The following RNF111 variants were observed in gnomAD, a reference collection of about 807,000 sequenced individuals.
The protein encoded by RNF111 is ring finger protein 111.
RNF111 carries 17 observed loss-of-function variants against 95.1 expected under a neutral mutation model. The ratio of observed to expected loss-of-function variants is 0.18; its 90% CI spans 0.12 to 0.27. RNF111 has a LOEUF of 0.27. Ranked by LOEUF, RNF111 falls within the 10% of genes least tolerant of loss-of-function variation. RNF111 has a pLI of 1.00. For synonymous variants in RNF111, 440 were observed against 414.8 expected (o/e 1.06, Z -0.74); for missense variants, 1,189 against 1,210.4 (o/e 0.98, Z 0.26).
chr15:59,003,266 C>T (rs2039403418), intron 1 of RNF111, among the ~76,000 whole-genome samples: 1 of 152,132 alleles, frequency 6.6e-6, no homozygotes, highest in South Asian at 2.1e-4. Context: ...GCATGTACCA[C>T]CACACCCAGC....
chr15:59,072,755 C>T (rs2042993746), intron 6 of RNF111, among the ~76,000 whole-genome samples: 1 of 151,828 alleles, frequency 6.6e-6, no homozygotes, highest in South Asian at 2.1e-4. Flanking sequence ...CCCGGCCTGT[C>T]ATTTCCATCT....
At chr15:59,029,643 C>A (rs2040808511) in intron 1 of RNF111, among the ~76,000 whole-genome samples, 1 of 152,192 alleles carries the variant, frequency 6.6e-6, no homozygotes, top group South Asian at 2.1e-4. Context: ...GCTTACTAAA[C>A]AGCTGTTGTA....
intron 1 of RNF111, among the ~76,000 whole-genome samples, chr15:59,016,941 G>A (rs975651938): frequency 6.6e-6 from 1 of 151,818 alleles, no homozygotes; most frequent in African/African-American, 2.4e-5. Flanking sequence ...TAGGTTGCTT[G>A]CTCCTTACGA....
At chr15:59,033,684 A>T (rs545023784) in intron 2 of RNF111, among the ~76,000 whole-genome samples, 3 of 152,226 alleles carry the variant, frequency 2.0e-5, no homozygotes, top group African/African-American at 7.2e-5. Flanking sequence ...GAATGTCATT[A>T]TCAGTGCCAG....
intron 3 of RNF111, 133 bp downstream of exon 3, chr15:59,052,564 A>G (rs2042033635): frequency 2.7e-6 from 1 of 369,088 alleles, no homozygotes; most frequent in Non-Finnish European, 4.5e-6. Context: ...ATATCAGATT[A>G]GTGGATTTTT....
Position 59,084,247 on chromosome 15 carries a change from T to C in RNF111, c.2416T>C (p.Ser806Pro). 3 of 1,581,412 alleles carry C rather than the reference T, an allele frequency of 1.9e-6. No individual in the cohort carries two copies. Among genetic ancestry groups the C allele is most frequent in the Non-Finnish European group, 2.6e-6 (3 of 1,164,854 alleles). The change falls in exon 9 of 14, where the codon TCT becomes CCT. Residue 806 changes from serine to proline, a missense_variant. Around this residue, in one of 2 missense-constraint regions of RNF111, gnomAD observed 165 missense variants for 284.6 expected, o/e 0.58. Transcript: ENST00000348370. Reference sequence around the variant, plus strand: ...ACATCCTCGACAGGCTCCAGAGAGGTCTGCCTGGTCAGTATCTTCTTTAAT... The same window carrying C: ...ACATCCTCGACAGGCTCCAGAGAGGCCTGCCTGGTCAGTATCTTCTTTAAT... The part of the protein sequence containing the change: ...SSHPRQAPER[S>P]AWELGIEAGV...
chr15:59,043,385 G>A (rs61022867), intron 2 of RNF111, among the ~76,000 whole-genome samples: 44,454 of 151,990 alleles, frequency 0.29, 6,613 homozygotes, highest in East Asian at 0.41. Flanking sequence ...TTGAACTCCT[G>A]ACCTCAGGTG....
intron 5 of RNF111, among the ~76,000 whole-genome samples, chr15:59,065,893 C>T (rs1239611913): frequency 6.6e-6 from 1 of 152,034 alleles, no homozygotes; most frequent in Admixed American, 6.5e-5. Flanking sequence ...TGCCTATGGT[C>T]CCAGCTACTT....
intron 10 of RNF111, among the ~76,000 whole-genome samples, chr15:59,086,709 A>C (rs910743301): frequency 6.6e-6 from 1 of 152,244 alleles, no homozygotes; most frequent in Non-Finnish European, 1.5e-5. Flanking sequence ...AGATGTAGCA[A>C]ATAGCACAAG....
chr15:59,080,890 A>G, intron 7 of RNF111, 46 bp from the exon 8 acceptor site: 1 of 1,412,686 alleles, frequency 7.1e-7, no homozygotes, highest in Non-Finnish European at 9.8e-7. Context: ...ATATATGTTC[A>G]ACTGCATGGT....
chr15:59,085,474 T>G, intron 9 of RNF111, 185 bp from the exon 10 acceptor site: 1 of 408,184 alleles, frequency 2.4e-6, no homozygotes, highest in Non-Finnish European at 4.0e-6. Context: ...TTTAAGTTTT[T>G]AGAGCTTTCA....
At chr15:59,067,440 T>G (rs1159132938) in intron 6 of RNF111, among the ~76,000 whole-genome samples, 2 of 152,106 alleles carry the variant, frequency 1.3e-5, no homozygotes, top group Non-Finnish European at 2.9e-5. Context: ...CCAACCCACC[T>G]TTCTTTTTTA....
At chr15:59,036,814 T>TAA (rs2041202426) in intron 2 of RNF111, among the ~76,000 whole-genome samples, 1 of 152,108 alleles carries the variant, frequency 6.6e-6, no homozygotes, top group African/African-American at 2.4e-5. Context: ...CATCAGTTCA[T>TAA]TTGTGGTTCT....
chr15:58,993,838 G>A (rs1230325709), intron 1 of RNF111, among the ~76,000 whole-genome samples: 1 of 152,052 alleles, frequency 6.6e-6, no homozygotes, highest in Non-Finnish European at 1.5e-5. Context: ...TCTTAGTTTA[G>A]TTTGTATGTG....
chr15:59,095,897 G>C lies in RNF111; in HGVS notation c.*997G>C. On this transcript the variant is annotated 3_prime_UTR_variant, in exon 14 of 14. Coordinates refer to ENST00000348370, the MANE Select transcript of RNF111 (RefSeq NM_017610.8). ...CTGTGCATTCATAGAACTTATAAAG[G>C]TCCCAGGATCACTTTTAAGGGATTT... is the stretch of plus-strand genomic sequence containing the variant. 2.5e-6 allele frequency: 1 copy of C among 397,040 alleles called. No individual in the cohort carries two copies. Among genetic ancestry groups the C allele is most frequent in the Non-Finnish European group, 4.4e-6 (1 of 225,174 alleles). 24.6% of individuals were successfully genotyped at this position (397,040 alleles called of 1,614,324 possible).
intron 7 of RNF111, among the ~76,000 whole-genome samples, chr15:59,077,127 A>G (rs1286955458): frequency 6.6e-6 from 1 of 152,230 alleles, no homozygotes; most frequent in East Asian, 1.9e-4. Context: ...AGTTTTTACA[A>G]AGCATTGACC....
chr15:59,011,524 C>G (rs77949022), intron 1 of RNF111, among the ~76,000 whole-genome samples: 1 of 152,184 alleles, frequency 6.6e-6, no homozygotes, highest in South Asian at 2.1e-4. Context: ...TTTACTTACT[C>G]CTAGTTCTGT....
At chr15:59,018,921 CT>C (rs1340236832) in intron 1 of RNF111, among the ~76,000 whole-genome samples, 5 of 151,598 alleles carry the variant, frequency 3.3e-5, no homozygotes, top group African/African-American at 1.2e-4. Flanking sequence ...ATATTTGTTT[CT>C]TTTCTTTTTT....
intron 1 of RNF111, among the ~76,000 whole-genome samples, chr15:59,014,174 C>T (rs2039960937): frequency 6.6e-6 from 1 of 152,142 alleles, no homozygotes; most frequent in Non-Finnish European, 1.5e-5. Flanking sequence ...TTTGGGAGCT[C>T]TTTCAGCTTG....
Sources: gnomAD v4.1 joint callset for allele counts (sites outside exome capture counted in the v4.1 genomes callset) on GRCh38, gnomAD v4.1.1 for gene constraint, gnomAD v4.1.1 regional missense constraint, MANE v1.5 for transcripts, NCBI Gene and HGNC (gene_info 2026-07-23, HGNC 2026-07-21) for gene names.